AMBRA1: variants seen among roughly 807,000 people sequenced by gnomAD.
AMBRA1 encodes the protein activating molecule in BECN1-regulated autophagy protein 1.
Under a neutral mutation model 125.4 loss-of-function variants are expected in AMBRA1, and 47 were observed. That is an observed-to-expected ratio of 0.37 (90% CI 0.30 to 0.48). AMBRA1 has a LOEUF of 0.48. Among genes scored for constraint, AMBRA1 ranks in the 20% least tolerant of loss-of-function variants. The probability of loss-of-function intolerance (pLI) is 0.99; values close to 1 mark genes in which losing one functional copy is unlikely to be tolerated. For synonymous variants in AMBRA1, 626 were observed against 655.5 expected (o/e 0.95, Z 0.69); for missense variants, 1,331 against 1,693.4 (o/e 0.79, Z 3.76).
chr11:46,557,104 C>A (rs2043179082), intron 1 of AMBRA1, among the ~76,000 whole-genome samples: 6 of 151,304 alleles, frequency 4.0e-5, no homozygotes, highest in Admixed American at 4.0e-4. Context: ...CCATTGTACT[C>A]CAGCCTGGGC....
At chr11:46,398,335 G>A (rs936515489) in intron 17 of AMBRA1, among the ~76,000 whole-genome samples, 2 of 152,186 alleles carry the variant, frequency 1.3e-5, no homozygotes, top group Admixed American at 6.5e-5. Context: ...GCTGAGCTGG[G>A]GTATGCCACC....
Position 46,488,988 on chromosome 11 carries a change from C to T in AMBRA1, c.2521+4620G>A, listed in dbSNP as rs1192921722. Among the ~76,000 whole-genome samples the T allele has an allele frequency of 3.3e-5, 5 of 152,118 alleles. 1 individual carries two copies. The highest frequency in any genetic ancestry group is 4.1e-4 in the South Asian group (2 of 4,828). ...CGAGATCTTGGCTCACTGCAAGCTC[C>T]GCCTCCCAGGTTAACGCCATTCTCC... On this transcript the variant is annotated intron_variant, in intron 11 of 17. Transcript: ENST00000683756.
chr11:46,479,323 G>A (rs761155701), intron 11 of AMBRA1, among the ~76,000 whole-genome samples: 2 of 152,194 alleles, frequency 1.3e-5, no homozygotes, highest in Non-Finnish European at 2.9e-5. Flanking sequence ...AGGCCCTTCT[G>A]TATCCATGGC....
chr11:46,584,994 C>T (rs1280100091), intron 1 of AMBRA1, among the ~76,000 whole-genome samples: 1 of 152,042 alleles, frequency 6.6e-6, no homozygotes, highest in African/African-American at 2.4e-5. Context: ...AACGCTTGAA[C>T]CTGGGAGGTA....
At chr11:46,557,712 G>A (rs535312809) in intron 1 of AMBRA1, among the ~76,000 whole-genome samples, 4 of 152,218 alleles carry the variant, frequency 2.6e-5, no homozygotes, top group Admixed American at 2.6e-4. Flanking sequence ...GAAGGCTGAG[G>A]TGGGAGGATA....
At chr11:46,580,837 C>A (rs1482212517) in intron 1 of AMBRA1, among the ~76,000 whole-genome samples, 1 of 152,068 alleles carries the variant, frequency 6.6e-6, no homozygotes, top group Non-Finnish European at 1.5e-5. Context: ...TGTCACCCGG[C>A]CTGGAGTGCA....
chr11:46,410,616 C>T (rs1458760394), intron 15 of AMBRA1, among the ~76,000 whole-genome samples: 1 of 152,196 alleles, frequency 6.6e-6, no homozygotes, highest in African/African-American at 2.4e-5. Context: ...CCCTGACAAG[C>T]CTAACCGGCT....
rs185749226 is a variant in AMBRA1 at position 46,501,205 on chromosome 11, A to G, written c.2339+6986T>C. Reference sequence around the variant, plus strand: ...TAATGTTGATGAGGGAAAAAAATCAATTCCTGGCCATGGCCACTGTCTGAG... The same window carrying G: ...TAATGTTGATGAGGGAAAAAAATCAGTTCCTGGCCATGGCCACTGTCTGAG... On this transcript the variant is annotated intron_variant, in intron 9 of 17. Transcript: ENST00000683756. 1.6e-3 allele frequency among the ~76,000 whole-genome samples: 251 copies of G among 152,332 alleles called. 3 individuals carry two copies. The highest frequency in any genetic ancestry group is 2.5e-3 in the Non-Finnish European group (167 of 68,030).
intron 15 of AMBRA1, among the ~76,000 whole-genome samples, chr11:46,410,637 G>T (rs1013065455): frequency 6.6e-6 from 1 of 152,246 alleles, no homozygotes; most frequent in African/African-American, 2.4e-5. Flanking sequence ...CCTCCTCGGA[G>T]CTAAGAGACA....
intron 11 of AMBRA1, among the ~76,000 whole-genome samples, chr11:46,460,704 A>C (rs907617814): frequency 1.3e-5 from 2 of 152,226 alleles, no homozygotes; most frequent in African/African-American, 4.8e-5. Context: ...TATAAACCAA[A>C]GTCATAAGAG....
chr11:46,561,309 A>T (rs2043329835), intron 1 of AMBRA1, among the ~76,000 whole-genome samples: 1 of 151,522 alleles, frequency 6.6e-6, no homozygotes, highest in African/African-American at 2.4e-5. Context: ...TGAACCTAGG[A>T]GGTGGAAGTT....
intron 1 of AMBRA1, among the ~76,000 whole-genome samples, chr11:46,581,108 TA>T (rs2044153729): frequency 6.6e-6 from 1 of 151,976 alleles, no homozygotes; most frequent in South Asian, 2.1e-4. Flanking sequence ...AGTAACGTTT[TA>T]AAATCATATA....
chr11:46,466,403 C>T (rs1383721001), intron 11 of AMBRA1, among the ~76,000 whole-genome samples: 7 of 151,884 alleles, frequency 4.6e-5, no homozygotes, highest in African/African-American at 1.7e-4. Context: ...ACAGCCACAG[C>T]CATTTAGGAA....
intron 1 of AMBRA1, among the ~76,000 whole-genome samples, chr11:46,586,481 C>A (rs2135335566): frequency 6.6e-6 from 1 of 152,052 alleles, no homozygotes; most frequent in East Asian, 1.9e-4. Flanking sequence ...GAACCTATAT[C>A]CTTTTACTTT....
chr11:46,571,739 G>T (rs899874586), intron 1 of AMBRA1, among the ~76,000 whole-genome samples: 1 of 146,550 alleles, frequency 6.8e-6, no homozygotes, highest in Non-Finnish European at 1.5e-5. Context: ...CCCCAGGCTG[G>T]AGTGCAGTGG....
At chr11:46,469,101 C>G (rs1352879438) in intron 11 of AMBRA1, among the ~76,000 whole-genome samples, 2 of 152,130 alleles carry the variant, frequency 1.3e-5, no homozygotes, top group Non-Finnish European at 2.9e-5. Flanking sequence ...CGAAATCACG[C>G]CACTGAACTC....
At chr11:46,461,237 T>C (rs1412600602) in intron 11 of AMBRA1, among the ~76,000 whole-genome samples, 2 of 152,156 alleles carry the variant, frequency 1.3e-5, no homozygotes, top group Admixed American at 6.5e-5. Context: ...AGGAAGACCC[T>C]GACTGGAAAA....
chr11:46,553,722 G>A (rs1407342350), intron 1 of AMBRA1, among the ~76,000 whole-genome samples: 4 of 151,576 alleles, frequency 2.6e-5, no homozygotes, highest in African/African-American at 9.7e-5. Context: ...TTCAGCCTGG[G>A]TGACAGAGTG....
chr11:46,581,654 C>T (rs1441888815), intron 1 of AMBRA1, among the ~76,000 whole-genome samples: 1 of 151,502 alleles, frequency 6.6e-6, no homozygotes, highest in Non-Finnish European at 1.5e-5. Flanking sequence ...TAAATAATTA[C>T]CCACATGTGG....
Sources: gnomAD v4.1 joint callset for allele counts (sites outside exome capture counted in the v4.1 genomes callset) on GRCh38, gnomAD v4.1.1 for gene constraint, MANE v1.5 for transcripts, NCBI Gene and HGNC (gene_info 2026-07-23, HGNC 2026-07-21) for gene names.